The following PLCG2 variants were observed in gnomAD, a reference collection of about 807,000 sequenced individuals.
PLCG2 encodes the protein 1-phosphatidylinositol 4,5-bisphosphate phosphodiesterase gamma-2.
A neutral mutation model predicts 175.6 loss-of-function variants in PLCG2; 69 were observed. The observed-to-expected ratio is 0.39, with a 90% CI of 0.32 to 0.48. The LOEUF (loss-of-function observed/expected upper bound fraction) is 0.48, where lower values mean the gene tolerates loss of function less well. Among genes scored for constraint, PLCG2 ranks in the 20% least tolerant of loss-of-function variants. The pLI, the probability that PLCG2 is intolerant of heterozygous loss-of-function variation, is 0.91. For synonymous variants in PLCG2, 827 were observed against 624.0 expected, an observed-to-expected ratio of 1.33 and a Z score of -4.85; for missense variants, 1,798 against 1,650.9, an observed-to-expected ratio of 1.09 and a Z score of -1.54.
chr16:81,743,735 A>C (rs578220195), intron 1 of PLCG2, among the ~76,000 whole-genome samples: 1 of 152,312 alleles, frequency 6.6e-6, no homozygotes, highest in South Asian at 2.1e-4. Flanking sequence ...GGCCCATCCC[A>C]AGGGAGGGAG....
At chr16:81,850,990 G>C (rs1437840778) in intron 2 of PLCG2, among the ~76,000 whole-genome samples, 1 of 152,074 alleles carries the variant, frequency 6.6e-6, no homozygotes, top group Non-Finnish European at 1.5e-5. Context: ...GTCTGGATGG[G>C]GTCCCCACTT....
chr16:81,955,949 T>A (rs1032150110), intron 31 of PLCG2, among the ~76,000 whole-genome samples: 1 of 152,176 alleles, frequency 6.6e-6, no homozygotes, highest in Admixed American at 6.5e-5. Context: ...ATTTAAAGTG[T>A]ACAATTCAAT....
At position 81,934,500 on chromosome 16, in the gene PLCG2, C is replaced by T. The variant is rs1394461935; in HGVS notation, c.2811C>T (p.Cys937=). ...AIELSDLVVY[C]KPTSKTKDNL... is the part of the protein sequence containing the mutation. Reference sequence around the variant, plus strand: ...AGCTCTCTGACCTGGTTGTCTACTGCAAACCAACCAGCAAAACCAAGGACA... The same window carrying T: ...AGCTCTCTGACCTGGTTGTCTACTGTAAACCAACCAGCAAAACCAAGGACA... The change falls in exon 26 of 33, where the codon TGC becomes TGT. Residue 937 remains cysteine (C), a synonymous_variant. Coordinates refer to ENST00000564138, the MANE Select transcript of PLCG2 (RefSeq NM_002661.5). The T allele has an allele frequency of 1.2e-6, 2 of 1,611,998 alleles. No individual in the cohort carries two copies. Among genetic ancestry groups the T allele is most frequent in the Non-Finnish European group, 1.7e-6 (2 of 1,178,384 alleles).
chr16:81,941,114 G>A (rs932892836), intron 30 of PLCG2, among the ~76,000 whole-genome samples: 2 of 152,156 alleles, frequency 1.3e-5, no homozygotes, highest in African/African-American at 4.8e-5. Flanking sequence ...GAGCTGAATT[G>A]GATCTTTTTT....
Position 81,958,111 on chromosome 16 carries a change from C to T in PLCG2, c.*113C>T. 1 of 758,036 alleles carries T rather than the reference C, an allele frequency of 1.3e-6. No individual in the cohort carries two copies. The highest frequency in any genetic ancestry group is 2.4e-6 in the Non-Finnish European group (1 of 425,098). The allele number at this position is 758,036 out of a possible 1,614,324, so 47.0% of individuals were successfully genotyped here. Reference sequence around the variant, plus strand: ...ACGCTAATCTGTGACATCTTTTCTTCAAGCCTGCCATCAAGGACATTTCTT... The same window carrying T: ...ACGCTAATCTGTGACATCTTTTCTTTAAGCCTGCCATCAAGGACATTTCTT... On this transcript the variant is annotated 3_prime_UTR_variant, in exon 33 of 33. Transcript: ENST00000564138.
intron 2 of PLCG2, among the ~76,000 whole-genome samples, chr16:81,811,237 G>T (rs1432446102): frequency 1.3e-5 from 2 of 152,188 alleles, no homozygotes; most frequent in African/African-American, 4.8e-5. Flanking sequence ...TCTGTCAAAT[G>T]GGCACACCGG....
intron 2 of PLCG2, among the ~76,000 whole-genome samples, chr16:81,810,995 T>C (rs1805443999): frequency 6.6e-6 from 1 of 152,334 alleles, no homozygotes; most frequent in Non-Finnish European, 1.5e-5. Flanking sequence ...GATCTAACAG[T>C]GGCCTTCCTG....
intron 2 of PLCG2, among the ~76,000 whole-genome samples, chr16:81,800,810 T>G (rs1306215241): frequency 2.0e-5 from 3 of 152,110 alleles, no homozygotes; most frequent in African/African-American, 7.2e-5. Flanking sequence ...CCTTGCAGAT[T>G]GAACAGATCT....
At chr16:81,900,575 T>G in intron 13 of PLCG2, 37 bp from the exon 14 acceptor site, 1 of 1,550,306 alleles carries the variant, frequency 6.5e-7, no homozygotes, top group Non-Finnish European at 8.8e-7. Context: ...AGGTGTGTGC[T>G]CCCCCTGCCG....
At chr16:81,857,685 C>T (rs534880756) in intron 3 of PLCG2, among the ~76,000 whole-genome samples, 2 of 152,310 alleles carry the variant, frequency 1.3e-5, no homozygotes, top group South Asian at 4.1e-4. Flanking sequence ...AGGCCCCACT[C>T]TCATTACTTC....
chr16:81,759,617 C>G (rs1909996722), intron 2 of PLCG2, among the ~76,000 whole-genome samples: 1 of 152,180 alleles, frequency 6.6e-6, no homozygotes, highest in Non-Finnish European at 1.5e-5. Flanking sequence ...TGTCTTGAGA[C>G]CCCCAGTGCC....
chr16:81,793,290 G>A (rs1911321355), intron 2 of PLCG2, among the ~76,000 whole-genome samples: 1 of 152,210 alleles, frequency 6.6e-6, no homozygotes, highest in African/African-American at 2.4e-5. Context: ...GGGCATGTTG[G>A]TTTTCTTTCC....
Position 81,960,406 on chromosome 16 carries a change from C to G in PLCG2, c.*2408C>G, listed in dbSNP as rs1040481154. 8.5e-5 allele frequency: 19 copies of G among 224,592 alleles called. No individual in the cohort carries two copies. The Admixed American group carries it at 8.6e-4, about 10-fold the overall frequency. The allele number at this position is 224,592 out of a possible 1,614,324, so 13.9% of individuals were successfully genotyped here. ...GGAAGCAGCACTGATAGATCAAAACCACCACTGCATATGTATTACACTGTT... is the reference window on the plus strand; with the variant it reads ...GGAAGCAGCACTGATAGATCAAAACGACCACTGCATATGTATTACACTGTT... On this transcript the variant is annotated 3_prime_UTR_variant, in exon 33 of 33. Coordinates refer to ENST00000564138, the MANE Select transcript of PLCG2 (RefSeq NM_002661.5).
At chr16:81,957,193 G>GGAGGCTGA (rs1911608811) in intron 32 of PLCG2, among the ~76,000 whole-genome samples, 1 of 152,130 alleles carries the variant, frequency 6.6e-6, no homozygotes. Flanking sequence ...CAGCTACTTG[G>GGAGGCTGA]GAGGCTGAGG....
At chr16:81,754,115 C>T (rs536744692) in intron 1 of PLCG2, among the ~76,000 whole-genome samples, 6 of 152,110 alleles carry the variant, frequency 3.9e-5, no homozygotes, top group Admixed American at 3.9e-4. Flanking sequence ...AGGGTTGACC[C>T]AGTGACACAG....
rs1911648351 is a variant in PLCG2 at position 81,958,094 on chromosome 16, C to A, written c.*96C>A. 2 of 846,730 alleles carry A rather than the reference C, an allele frequency of 2.4e-6. No homozygotes were observed. The highest frequency in any genetic ancestry group is 2.5e-5 in the East Asian group (1 of 39,706). The allele number at this position is 846,730 out of a possible 1,614,324, so 52.5% of individuals were successfully genotyped here. On this transcript the variant is annotated 3_prime_UTR_variant, in exon 33 of 33. Transcript: ENST00000564138. Reference sequence around the variant, plus strand: ...ATTCACACTCTGGGAAGACGCTAATCTGTGACATCTTTTCTTCAAGCCTGC... The same window carrying A: ...ATTCACACTCTGGGAAGACGCTAATATGTGACATCTTTTCTTCAAGCCTGC...
chr16:81,934,813 C>G (rs1440751376), intron 26 of PLCG2, among the ~76,000 whole-genome samples: 4 of 152,052 alleles, frequency 2.6e-5, no homozygotes, highest in African/African-American at 9.7e-5. Context: ...TGGAGGAGGC[C>G]TCACAATTAT....
At chr16:81,884,078 G>C (rs1908230086) in intron 9 of PLCG2, among the ~76,000 whole-genome samples, 1 of 152,178 alleles carries the variant, frequency 6.6e-6, no homozygotes, top group Non-Finnish European at 1.5e-5. Flanking sequence ...GGGCCGGGTA[G>C]GGTGGCTCAC....
intron 23 of PLCG2, 112 bp downstream of exon 23, chr16:81,927,290 C>G: frequency 1.4e-6 from 1 of 723,820 alleles, no homozygotes; most frequent in Non-Finnish European, 2.5e-6. Context: ...CTTGTGGTCT[C>G]TGTGGAGCTC....
Sources: allele counts gnomAD v4.1 joint callset (sites outside exome capture counted in the v4.1 genomes callset), GRCh38; gene constraint gnomAD v4.1.1; transcripts MANE v1.5; gene names NCBI Gene and HGNC (gene_info 2026-07-23, HGNC 2026-07-21).